Variants in CNTN5 observed in about 807,000 individuals in gnomAD.
CNTN5 encodes the protein contactin-5.
In CNTN5, 77 loss-of-function variants were observed where a neutral mutation model predicts 129.1. The observed-to-expected ratio is 0.60, with a 90% confidence interval of 0.50 to 0.72. CNTN5 has a LOEUF of 0.72. Among genes scored for constraint, CNTN5 ranks in the 30% least tolerant of loss-of-function variants. The pLI, the probability that CNTN5 is intolerant of heterozygous loss-of-function variation, is 0.00. For missense variants in CNTN5, 1,478 were observed against 1,328.8 expected (o/e 1.11, Z -1.75); for synonymous variants, 509 against 465.6 (o/e 1.09, Z -1.20).
At position 100,098,030 on chromosome 11, in the gene CNTN5, G is replaced by GTAAT. The variant is rs542278290; in HGVS notation, c.1580+23737_1580+23740dup. ...TGTCAGAATTACCAAGATGAGCTAG[G>GTAAT]TAATAGGTTAGCTTTACGAGCTAAA... On this transcript the variant is annotated intron_variant, in intron 13 of 24. Transcript: ENST00000524871. Among the ~76,000 whole-genome samples, 651 of 152,040 alleles carry GTAAT rather than the reference G, an allele frequency of 4.3e-3. 1 individual carries two copies. The highest frequency in any genetic ancestry group is 7.2e-3 in the Non-Finnish European group (486 of 67,956).
At chr11:99,671,191 G>A (rs1953028308) in intron 3 of CNTN5, among the ~76,000 whole-genome samples, 2 of 148,702 alleles carry the variant, frequency 1.3e-5, no homozygotes, top group Non-Finnish European at 1.5e-5. Flanking sequence ...CATACTGTAT[G>A]GCAAGGCACA....
intron 12 of CNTN5, 127 bp from the exon 13 acceptor site, chr11:100,074,017 G>A (rs1266650973): frequency 5.6e-5 from 44 of 789,510 alleles, no homozygotes; most frequent in Non-Finnish European, 7.8e-5. Flanking sequence ...CCTTTTTCAT[G>A]TGTAGATATA....
chr11:99,713,766 T>C (rs1343338485), intron 3 of CNTN5, among the ~76,000 whole-genome samples: 2 of 151,976 alleles, frequency 1.3e-5, no homozygotes, highest in African/African-American at 4.8e-5. Flanking sequence ...GGGCATTTTA[T>C]TGTAGAAAGT....
intron 15 of CNTN5, among the ~76,000 whole-genome samples, chr11:100,199,424 C>T (rs924812771): frequency 1.3e-5 from 2 of 151,874 alleles, no homozygotes; most frequent in Admixed American, 1.3e-4. Context: ...CTATTCCAAC[C>T]TCCTGACCGC....
At chr11:99,346,050 T>C (rs1039520717) in intron 2 of CNTN5, among the ~76,000 whole-genome samples, 5 of 152,198 alleles carry the variant, frequency 3.3e-5, no homozygotes, top group African/African-American at 1.2e-4. Flanking sequence ...TTTTTAAAGC[T>C]TGTGTTTTCT....
At chr11:99,972,085 T>TAA (rs71050038) in intron 8 of CNTN5, among the ~76,000 whole-genome samples, 7,636 of 91,970 alleles carry the variant, frequency 0.083, 546 homozygotes, top group East Asian at 0.2. Context: ...TTATCTCTAT[T>TAA]AAAAAAAAAA....
chr11:100,327,541 A>G (rs779342638), intron 21 of CNTN5, among the ~76,000 whole-genome samples: 38 of 152,302 alleles, frequency 2.5e-4, no homozygotes, highest in Admixed American at 5.2e-4. Context: ...CTGTATCAAT[A>G]TATAGCTTCC....
At chr11:99,191,117 C>T (rs1184556845) in intron 1 of CNTN5, among the ~76,000 whole-genome samples, 3 of 151,624 alleles carry the variant, frequency 2.0e-5, no homozygotes, top group Non-Finnish European at 3.0e-5. Flanking sequence ...TTTGTTTCTT[C>T]ATTCTGTTGA....
chr11:99,080,134 T>C (rs1193709119), intron 1 of CNTN5, among the ~76,000 whole-genome samples: 1 of 152,146 alleles, frequency 6.6e-6, no homozygotes, highest in Non-Finnish European at 1.5e-5. Flanking sequence ...TTATTGATCA[T>C]AAGGGCTGTG....
At chr11:99,287,604 A>T (rs1439985284) in intron 1 of CNTN5, among the ~76,000 whole-genome samples, 1 of 152,084 alleles carries the variant, frequency 6.6e-6, no homozygotes, top group Non-Finnish European at 1.5e-5. Context: ...AAACATTATA[A>T]TATGATTCAG....
chr11:99,149,184 C>T (rs577395844), intron 1 of CNTN5, among the ~76,000 whole-genome samples: 1 of 152,248 alleles, frequency 6.6e-6, no homozygotes, highest in Admixed American at 6.5e-5. Context: ...ACTTTAGCCT[C>T]ATTAGATCCC....
chr11:99,289,020 C>T lies in CNTN5; in HGVS notation c.-209-36326C>T, dbSNP rs1280661495. Among the ~76,000 whole-genome samples the T allele has an allele frequency of 2.0e-5, 3 of 151,756 alleles. No homozygotes were observed. The East Asian group carries it at 5.8e-4, about 29-fold the overall frequency. On this transcript the variant is annotated intron_variant, in intron 1 of 24. Transcript: ENST00000524871. The stretch of plus-strand genomic sequence containing the variant: ...AACAATCAGATCTAGATTTCCTTCC[C>T]AGTTCCACTGTTTACTACAGTTTTT...
At chr11:99,268,948 G>A (rs1338115676) in intron 1 of CNTN5, among the ~76,000 whole-genome samples, 6 of 151,898 alleles carry the variant, frequency 4.0e-5, no homozygotes, top group Non-Finnish European at 5.9e-5. Context: ...GTCTTCTTCC[G>A]CAAAATCAAT....
At chr11:99,551,615 T>G (rs1025222096) in intron 2 of CNTN5, among the ~76,000 whole-genome samples, 1 of 152,194 alleles carries the variant, frequency 6.6e-6, no homozygotes, top group African/African-American at 2.4e-5. Context: ...GATATAATCA[T>G]TGTGTGAACA....
At chr11:99,228,263 A>G (rs1479467391) in intron 1 of CNTN5, among the ~76,000 whole-genome samples, 2 of 152,124 alleles carry the variant, frequency 1.3e-5, no homozygotes, top group South Asian at 2.1e-4. Context: ...TGATTTATGC[A>G]GGTAGAGAGT....
intron 2 of CNTN5, among the ~76,000 whole-genome samples, chr11:99,429,520 GGAGA>G (rs376778258): frequency 3.5e-4 from 53 of 151,802 alleles, no homozygotes; most frequent in Admixed American, 2.8e-3. Context: ...ACAGCAAAAG[GGAGA>G]GAGAGAGAGT....
At chr11:100,259,044 G>A (rs1950140975) in intron 17 of CNTN5, among the ~76,000 whole-genome samples, 1 of 152,072 alleles carries the variant, frequency 6.6e-6, no homozygotes, top group Admixed American at 6.5e-5. Flanking sequence ...CTGTATTCAG[G>A]AGACCCATCT....
chr11:99,414,922 T>A (rs1214964648), intron 2 of CNTN5, among the ~76,000 whole-genome samples: 3 of 152,182 alleles, frequency 2.0e-5, no homozygotes, highest in Non-Finnish European at 4.4e-5. Flanking sequence ...TTTCTGTGCT[T>A]TTTAGTTGCC....
chr11:99,274,414 G>C (rs958773643), intron 1 of CNTN5, among the ~76,000 whole-genome samples: 12 of 151,532 alleles, frequency 7.9e-5, no homozygotes, highest in African/African-American at 2.4e-4. Flanking sequence ...TAAAAATCTG[G>C]CTTGCTTTAA....
Sources: allele counts gnomAD v4.1 joint callset (sites outside exome capture counted in the v4.1 genomes callset), GRCh38; gene constraint gnomAD v4.1.1; transcripts MANE v1.5; gene names NCBI Gene and HGNC (gene_info 2026-07-23, HGNC 2026-07-21).